Variants in DCLK1 observed in about 807,000 individuals in gnomAD.
The protein encoded by DCLK1 is doublecortin like kinase 1.
A neutral mutation model predicts 86.2 loss-of-function variants in DCLK1; 16 were observed. The observed-to-expected ratio is 0.19, with a 90% CI of 0.13 to 0.28. The LOEUF is 0.28. Ranked by LOEUF, DCLK1 falls within the 10% of genes least tolerant of loss-of-function variation. DCLK1 has a pLI of 1.00. For missense variants in DCLK1, 590 were observed against 940.2 expected (o/e 0.63, Z 4.87); for synonymous variants, 369 against 370.5 (o/e 1.00, Z 0.05).
chr13:35,854,477 A>C, intron 6 of DCLK1, 22 bp downstream of exon 6: 1 of 1,577,498 alleles, frequency 6.3e-7, no homozygotes. Context: ...GTCTGAAACA[A>C]GCAGCTTGCT....
chr13:36,036,527 G>T (rs1882505369), intron 3 of DCLK1, among the ~76,000 whole-genome samples: 1 of 152,138 alleles, frequency 6.6e-6, no homozygotes, highest in South Asian at 2.1e-4. Flanking sequence ...CATAACACTA[G>T]ACCACCATTT....
intron 11 of DCLK1, among the ~76,000 whole-genome samples, chr13:35,820,759 G>A (rs1213060221): frequency 6.6e-6 from 1 of 152,182 alleles, no homozygotes; most frequent in African/African-American, 2.4e-5. Context: ...GCAGTTGATG[G>A]AGGTAACTAT....
At chr13:36,110,045 C>T (rs1358398082) in intron 3 of DCLK1, among the ~76,000 whole-genome samples, 6 of 152,092 alleles carry the variant, frequency 3.9e-5, no homozygotes, top group Non-Finnish European at 7.4e-5. Context: ...GGAGAGGGAA[C>T]ATTTATCCAT....
chr13:36,070,285 G>A (rs543880904), intron 3 of DCLK1, among the ~76,000 whole-genome samples: 5 of 152,188 alleles, frequency 3.3e-5, no homozygotes, highest in African/African-American at 9.6e-5. Flanking sequence ...CTTATCTCAC[G>A]GGATGGTTCT....
intron 8 of DCLK1, among the ~76,000 whole-genome samples, chr13:35,833,423 G>A (rs186859196): frequency 8.5e-5 from 13 of 152,190 alleles, no homozygotes; most frequent in South Asian, 8.3e-4. Flanking sequence ...AATGCTCCAC[G>A]AAACAGCTTC....
At chr13:35,966,736 C>T (rs1425930002) in intron 3 of DCLK1, among the ~76,000 whole-genome samples, 1 of 152,106 alleles carries the variant, frequency 6.6e-6, no homozygotes, top group Non-Finnish European at 1.5e-5. Context: ...CAGCTCCTGA[C>T]CGCGAGTGAT....
chr13:35,867,154 C>CA, intron 5 of DCLK1, among the ~76,000 whole-genome samples: 1 of 152,182 alleles, frequency 6.6e-6, no homozygotes, highest in Non-Finnish European at 1.5e-5. Context: ...AAAGTGGTAA[C>CA]AAGTCACTTT....
intron 3 of DCLK1, among the ~76,000 whole-genome samples, chr13:35,977,912 G>A (rs540344832): frequency 1.3e-5 from 2 of 151,946 alleles, no homozygotes; most frequent in South Asian, 2.1e-4. Context: ...TAAGTTAATA[G>A]GACTAACGTT....
intron 3 of DCLK1, among the ~76,000 whole-genome samples, chr13:36,035,327 G>T (rs946111204): frequency 2.6e-5 from 4 of 152,064 alleles, no homozygotes; most frequent in African/African-American, 9.7e-5. Flanking sequence ...ACCCTCCTAA[G>T]ATTGAAAACT....
At chr13:35,900,456 G>A (rs2153122064) in intron 4 of DCLK1, among the ~76,000 whole-genome samples, 1 of 152,252 alleles carries the variant, frequency 6.6e-6, no homozygotes, top group East Asian at 1.9e-4. Context: ...TGGCCAGGCT[G>A]ATCTTGAACT....
At position 36,024,610 on chromosome 13, in the gene DCLK1, G is replaced by C. The variant is rs73523385; in HGVS notation, c.724-77153C>G. 7.0e-3 allele frequency among the ~76,000 whole-genome samples: 1,067 copies of C among 152,276 alleles called. 13 individuals carry two copies. The highest frequency in any genetic ancestry group is 0.024 in the African/African-American group (991 of 41,554). On this transcript the variant is annotated intron_variant, in intron 3 of 16. Transcript: ENST00000360631. ...TCCAAAATAAATGGGAAGACATCCT[G>C]TGTTCATGGATTTGAAGATGTAATA...
chr13:35,799,812 A>T (rs916619711), intron 15 of DCLK1, among the ~76,000 whole-genome samples: 8 of 152,126 alleles, frequency 5.3e-5, no homozygotes, highest in African/African-American at 1.9e-4. Context: ...CTATCAATAA[A>T]CCGTCATTTG....
In DCLK1 at chr13:36,051,658, A is replaced by G. The variant is rs138854577; in HGVS notation, c.723+60211T>C. Among the ~76,000 whole-genome samples the G allele has an allele frequency of 2.5e-3, 388 of 152,230 alleles. 3 individuals are homozygous for G. The highest frequency in any genetic ancestry group is 9.0e-3 in the African/African-American group (376 of 41,554). On this transcript the variant is annotated intron_variant, in intron 3 of 16. Transcript: ENST00000360631. ...CACTAAATCTCATCTAACACATGGC[A>G]CTGGTTTTCTCTCTGAAATTACCCT...
At chr13:35,893,595 A>G (rs1307073231) in intron 4 of DCLK1, among the ~76,000 whole-genome samples, 1 of 152,186 alleles carries the variant, frequency 6.6e-6, no homozygotes, top group East Asian at 1.9e-4. Flanking sequence ...GTCAAAATGC[A>G]GGTACATTGC....
At chr13:35,914,940 C>T (rs900225216) in intron 4 of DCLK1, among the ~76,000 whole-genome samples, 2 of 152,130 alleles carry the variant, frequency 1.3e-5, no homozygotes, top group African/African-American at 2.4e-5. Flanking sequence ...AGTAAAAGAT[C>T]ACTGGAGAGA....
chr13:35,819,929 C>T lies in DCLK1; in HGVS notation c.1554+2800G>A, dbSNP rs191385678. Among the ~76,000 whole-genome samples the T allele has an allele frequency of 7.2e-5, 11 of 152,024 alleles. No individual in the cohort carries two copies. In the East Asian group the frequency reaches 1.2e-3, roughly 16 times the overall value. ...ATAGTTATGTTATCTTCATCAAATC[C>T]CCTTAAAGATAAAGGCTTGAAGGAG... On this transcript the variant is annotated intron_variant, in intron 11 of 16. Transcript: ENST00000360631.
intron 3 of DCLK1, among the ~76,000 whole-genome samples, chr13:36,094,599 A>C (rs553381816): frequency 8.1e-4 from 123 of 152,316 alleles, no homozygotes; most frequent in Non-Finnish European, 1.4e-3. Context: ...TCTAAGCAAT[A>C]ATTATACTTT....
chr13:35,792,944 C>T (rs1411123546), intron 16 of DCLK1, among the ~76,000 whole-genome samples: 2 of 152,120 alleles, frequency 1.3e-5, no homozygotes, highest in Non-Finnish European at 2.9e-5. Flanking sequence ...TAATTTAGGT[C>T]TAGTATCAAG....
At chr13:35,944,003 C>T (rs986955476) in intron 4 of DCLK1, among the ~76,000 whole-genome samples, 6 of 152,170 alleles carry the variant, frequency 3.9e-5, no homozygotes, top group African/African-American at 7.2e-5. Flanking sequence ...ATGACGATAT[C>T]GCTAAAATGG....
Sources: allele counts gnomAD v4.1 joint callset (sites outside exome capture counted in the v4.1 genomes callset), GRCh38; gene constraint gnomAD v4.1.1; transcripts MANE v1.5; gene names NCBI Gene and HGNC (gene_info 2026-07-23, HGNC 2026-07-21).